OLA1: variants seen among roughly 807,000 people sequenced by gnomAD.
OLA1 encodes the protein Obg like ATPase 1.
In OLA1, 14 loss-of-function variants were observed where a neutral mutation model predicts 48.4. The ratio of observed to expected loss-of-function variants is 0.29; its 90% CI spans 0.19 to 0.45. The LOEUF (loss-of-function observed/expected upper bound fraction) is 0.45. OLA1 is among the 20% of genes least tolerant of loss of function. OLA1 has a pLI of 1.00. For missense variants in OLA1, 325 were observed against 467.1 expected (o/e 0.70, Z 2.80); for synonymous variants, 127 against 150.4 (o/e 0.84, Z 1.14).
In OLA1 at chr2:174,074,136, C is replaced by T. The variant is rs889257512; in HGVS notation, c.*1290G>A. On this transcript the variant is annotated 3_prime_UTR_variant, in exon 11 of 11. Coordinates refer to ENST00000284719, the MANE Select transcript of OLA1 (RefSeq NM_013341.5). ...TTTCCATTTTAAGTTTGTGTGTGTT[C>T]TAATACTTCTGCATCTTTAAAGTCC... is the stretch of plus-strand genomic sequence containing the variant. The T allele has an allele frequency of 3.3e-5, 5 of 152,114 alleles. No homozygotes were observed. Among genetic ancestry groups the T allele is most frequent in the Admixed American group, 1.3e-4 (2 of 15,264 alleles). 9.4% of individuals were successfully genotyped at this position (152,114 alleles called of 1,614,324 possible). A position where few individuals can be genotyped will look rare whatever the true frequency, so the allele number is the denominator to read the frequency against.
intron 5 of OLA1, among the ~76,000 whole-genome samples, chr2:174,133,122 C>G (rs912856288): frequency 1.3e-5 from 2 of 152,162 alleles, no homozygotes; most frequent in Non-Finnish European, 2.9e-5. Flanking sequence ...ATATCGTATA[C>G]TACACTAACT....
At chr2:174,126,236 G>A (rs556330991) in intron 5 of OLA1, among the ~76,000 whole-genome samples, 1 of 151,900 alleles carries the variant, frequency 6.6e-6, no homozygotes, top group Non-Finnish European at 1.5e-5. Context: ...CTTATTGGTT[G>A]ATTGAATTTA....
chr2:174,149,526 T>C (rs1277577979), intron 4 of OLA1, among the ~76,000 whole-genome samples: 1 of 152,202 alleles, frequency 6.6e-6, no homozygotes, highest in Admixed American at 6.5e-5. Flanking sequence ...AAACCGTTTC[T>C]AATATAAAAT....
chr2:174,168,192 G>T (rs772552221), intron 4 of OLA1, among the ~76,000 whole-genome samples: 1 of 152,172 alleles, frequency 6.6e-6, no homozygotes, highest in Non-Finnish European at 1.5e-5. Context: ...AAACTGTAGC[G>T]ATGGAAGAAT....
At chr2:174,136,860 A>G (rs1204399998) in intron 5 of OLA1, among the ~76,000 whole-genome samples, 1 of 151,732 alleles carries the variant, frequency 6.6e-6, no homozygotes, top group Non-Finnish European at 1.5e-5. Context: ...TATTTTCAGT[A>G]GAGACAGGGT....
intron 7 of OLA1, among the ~76,000 whole-genome samples, chr2:174,092,732 CT>C (rs10715855): frequency 0.024 from 3,695 of 152,146 alleles, 132 homozygotes; most frequent in African/African-American, 0.083. Context: ...CAGAGTCAAC[CT>C]TCAGAAATTA....
At chr2:174,202,566 G>C (rs576443901) in intron 4 of OLA1, among the ~76,000 whole-genome samples, 86 of 152,224 alleles carry the variant, frequency 5.6e-4, no homozygotes, top group Middle Eastern at 3.4e-3. Context: ...AGTGATGCTG[G>C]CAGTGCTCCC....
At chr2:174,145,381 C>G (rs4600616) in intron 4 of OLA1, among the ~76,000 whole-genome samples, 25,058 of 151,938 alleles carry the variant, frequency 0.16, 2,172 homozygotes, top group East Asian at 0.21. Flanking sequence ...ACACTTTTAC[C>G]CTAGTCCATG....
At chr2:174,104,343 T>C (rs10497421) in intron 7 of OLA1, among the ~76,000 whole-genome samples, 15,063 of 152,116 alleles carry the variant, frequency 0.099, 1,032 homozygotes, top group African/African-American at 0.18. Flanking sequence ...AAAGTATAAA[T>C]GGTAGGCACT....
intron 4 of OLA1, among the ~76,000 whole-genome samples, chr2:174,218,578 A>G (rs767499795): frequency 3.3e-5 from 5 of 152,214 alleles, no homozygotes; most frequent in Non-Finnish European, 7.3e-5. Flanking sequence ...TTAAAAAACT[A>G]CAGTAACTCC....
intron 5 of OLA1, among the ~76,000 whole-genome samples, chr2:174,139,864 CAAA>C (rs1162058790): frequency 2.6e-5 from 2 of 76,958 alleles, no homozygotes; most frequent in Non-Finnish European, 5.2e-5. Flanking sequence ...GACTCAGTCT[CAAA>C]AAAAAAAAAA....
chr2:174,223,925 A>G (rs1372621027), intron 3 of OLA1, among the ~76,000 whole-genome samples: 1 of 152,238 alleles, frequency 6.6e-6, no homozygotes, highest in Non-Finnish European at 1.5e-5. Context: ...AAACCAAGTT[A>G]GGAAAATCAG....
intron 2 of OLA1, among the ~76,000 whole-genome samples, chr2:174,234,242 T>C (rs965669717): frequency 7.2e-5 from 11 of 152,216 alleles, no homozygotes; most frequent in African/African-American, 2.7e-4. Context: ...TAACATTATT[T>C]TCTCTAGCTT....
At chr2:174,194,461 G>A (rs77010403) in intron 4 of OLA1, among the ~76,000 whole-genome samples, 1 of 152,208 alleles carries the variant, frequency 6.6e-6, no homozygotes, top group East Asian at 1.9e-4. Context: ...ACATTTTAAA[G>A]TTAGTCAGGC....
chr2:174,196,210 T>G (rs1687875713), intron 4 of OLA1, among the ~76,000 whole-genome samples: 1 of 152,134 alleles, frequency 6.6e-6, no homozygotes, highest in Admixed American at 6.5e-5. Flanking sequence ...TTAAAATGAG[T>G]GCAAAATGCT....
chr2:174,182,545 A>G (rs147073889), intron 4 of OLA1, among the ~76,000 whole-genome samples: 5 of 152,264 alleles, frequency 3.3e-5, no homozygotes, highest in Non-Finnish European at 5.9e-5. Flanking sequence ...TAAAAATAAA[A>G]ATAAAAATGA....
intron 5 of OLA1, among the ~76,000 whole-genome samples, chr2:174,136,605 T>C (rs1686315732): frequency 6.6e-6 from 1 of 152,184 alleles, no homozygotes; most frequent in East Asian, 1.9e-4. Flanking sequence ...CCATGTGGGT[T>C]TGGAATCAAC....
chr2:174,106,390 T>G (rs967932719), intron 7 of OLA1, among the ~76,000 whole-genome samples: 2 of 152,056 alleles, frequency 1.3e-5, no homozygotes, highest in African/African-American at 4.8e-5. Flanking sequence ...AAGCTACAGG[T>G]GCAGTACCTT....
chr2:174,107,053 G>A (rs1044583236), intron 7 of OLA1, among the ~76,000 whole-genome samples: 2 of 151,990 alleles, frequency 1.3e-5, no homozygotes, highest in Non-Finnish European at 2.9e-5. Flanking sequence ...GATGATAAAG[G>A]GTCATTAGGT....
Sources: gnomAD v4.1 joint callset for allele counts (sites outside exome capture counted in the v4.1 genomes callset) on GRCh38, gnomAD v4.1.1 for gene constraint, MANE v1.5 for transcripts, NCBI Gene and HGNC (gene_info 2026-07-23, HGNC 2026-07-21) for gene names.